ADK: variants seen among roughly 807,000 people sequenced by gnomAD.
ADK encodes adenosine kinase, also known as N6,N6-dimethyladenosine kinase.
Under a neutral mutation model 44.7 loss-of-function variants are expected in ADK, and 24 were observed. The ratio of observed to expected loss-of-function variants is 0.54; its 90% CI spans 0.39 to 0.76. ADK has a LOEUF of 0.76. Ranked by LOEUF, ADK falls within the 30% of genes least tolerant of loss-of-function variation. The pLI, the probability that ADK is intolerant of heterozygous loss-of-function variation, is 0.00. For synonymous variants in ADK, 128 were observed against 142.6 expected, an observed-to-expected ratio of 0.90 and a Z score of 0.73; for missense variants, 321 against 425.1, an observed-to-expected ratio of 0.76 and a Z score of 2.15.
intron 7 of ADK, chr10:74,551,365 A>T (rs1321020765): frequency 6.6e-6 from 1 of 152,406 alleles, no homozygotes; most frequent in African/African-American, 2.4e-5. Flanking sequence ...CAAAGAATTT[A>T]AAAATGTTAA....
Position 74,259,655 on chromosome 10 carries a change from C to G in ADK, c.194+35064C>G, listed in dbSNP as rs1845968498. On this transcript the variant is annotated intron_variant, in intron 3 of 10. Transcript: ENST00000539909. ...TGTATTTTTAGTAGAGACGGGGTTT[C>G]ACCATGTTAGCCAGGATGGTCTCGA... 3.3e-5 allele frequency among the ~76,000 whole-genome samples: 5 copies of G among 151,966 alleles called. No homozygotes were observed. In the South Asian group the frequency reaches 1.0e-3, roughly 32 times the overall value.
chr10:74,601,319 G>A (rs997130974), intron 9 of ADK, among the ~76,000 whole-genome samples: 1 of 152,056 alleles, frequency 6.6e-6, no homozygotes, highest in Non-Finnish European at 1.5e-5. Flanking sequence ...GTACATTTGT[G>A]TTGAATTAAA....
intron 9 of ADK, among the ~76,000 whole-genome samples, chr10:74,630,498 A>G (rs1003028788): frequency 2.6e-5 from 4 of 151,954 alleles, no homozygotes; most frequent in Non-Finnish European, 4.4e-5. Context: ...ATGTCTCTCA[A>G]TTTTTGTTTG....
At position 74,508,111 on chromosome 10, in the gene ADK, C is replaced by T. The variant is rs181167573; in HGVS notation, c.556-17145C>T. On this transcript the variant is annotated intron_variant, in intron 6 of 10. Transcript: ENST00000539909. ...GGTTTACTATAAGTTGGAGTACTAT[C>T]GTGGAGCACTTTGAATGCTGGGGTG... Among the ~76,000 whole-genome samples, 35 of 152,190 alleles carry T rather than the reference C, an allele frequency of 2.3e-4. No homozygotes were observed. In the South Asian group the frequency reaches 3.7e-3, roughly 16 times the overall value.
At chr10:74,647,781 C>A (rs1854106888) in intron 9 of ADK, among the ~76,000 whole-genome samples, 2 of 152,132 alleles carry the variant, frequency 1.3e-5, no homozygotes, top group African/African-American at 2.4e-5. Flanking sequence ...TTCCATAATT[C>A]ACATTATAAT....
At chr10:74,700,958 G>A (rs1856398942) in intron 10 of ADK, among the ~76,000 whole-genome samples, 1 of 152,106 alleles carries the variant, frequency 6.6e-6, no homozygotes, top group Non-Finnish European at 1.5e-5. Flanking sequence ...TCCCCAAAGG[G>A]GGTAAAAAAG....
intron 9 of ADK, chr10:74,656,019 G>T (rs937941447): frequency 1.6e-6 from 1 of 611,916 alleles, no homozygotes. Flanking sequence ...GCAGGAGCTG[G>T]TGTCTGTGGG....
chr10:74,371,808 G>A (rs1306903300), intron 4 of ADK: 1 of 1,262,354 alleles, frequency 7.9e-7, no homozygotes, highest in African/African-American at 1.5e-5. Context: ...GAAGTTTGCT[G>A]CTGCCACTGG....
intron 4 of ADK, among the ~76,000 whole-genome samples, chr10:74,393,138 A>G (rs988871505): frequency 6.6e-6 from 1 of 151,934 alleles, no homozygotes; most frequent in African/African-American, 2.4e-5. Context: ...TCCTCTCCTC[A>G]TCCTTTTACC....
intron 9 of ADK, among the ~76,000 whole-genome samples, chr10:74,628,172 A>G (rs1853284067): frequency 6.6e-6 from 1 of 152,198 alleles, no homozygotes; most frequent in African/African-American, 2.4e-5. Context: ...CTTCCTATGT[A>G]TTACTATGTA....
intron 10 of ADK, among the ~76,000 whole-genome samples, chr10:74,673,278 A>G (rs1855250048): frequency 6.6e-6 from 1 of 152,264 alleles, no homozygotes; most frequent in Non-Finnish European, 1.5e-5. Flanking sequence ...AGAAAGCCAG[A>G]TGATAAACTT....
chr10:74,357,037 T>C (rs1368367011), intron 4 of ADK, among the ~76,000 whole-genome samples: 1 of 152,156 alleles, frequency 6.6e-6, no homozygotes. Flanking sequence ...AGTTCCTTCA[T>C]TTGGGGGTTA....
At chr10:74,279,172 G>A (rs1360872790) in intron 3 of ADK, among the ~76,000 whole-genome samples, 1 of 152,068 alleles carries the variant, frequency 6.6e-6, no homozygotes, top group Non-Finnish European at 1.5e-5. Flanking sequence ...CCAGCTACTC[G>A]GGAGGCTGAG....
chr10:74,496,950 A>G (rs1847711484), intron 6 of ADK, among the ~76,000 whole-genome samples: 3 of 151,924 alleles, frequency 2.0e-5, no homozygotes, highest in Non-Finnish European at 4.4e-5. Context: ...AACAGAACCT[A>G]TTCTGTTTTC....
intron 2 of ADK, among the ~76,000 whole-genome samples, chr10:74,205,836 G>A (rs1843577011): frequency 6.6e-6 from 1 of 151,910 alleles, no homozygotes; most frequent in Non-Finnish European, 1.5e-5. Flanking sequence ...ATAACTTAAA[G>A]CAACCTAGGT....
chr10:74,652,701 A>C (rs543376039), intron 9 of ADK, among the ~76,000 whole-genome samples: 76 of 151,924 alleles, frequency 5.0e-4, no homozygotes, highest in African/African-American at 1.8e-3. Flanking sequence ...CAGAGGTTGC[A>C]GTGAACTGAG....
chr10:74,207,428 C>T (rs1843645607), intron 2 of ADK, among the ~76,000 whole-genome samples: 1 of 152,126 alleles, frequency 6.6e-6, no homozygotes, highest in African/African-American at 2.4e-5. Flanking sequence ...TCTTCTTATC[C>T]TGCATCCATG....
intron 2 of ADK, among the ~76,000 whole-genome samples, chr10:74,201,644 A>ATATGTATGTATG (rs10630238): frequency 2.2e-4 from 20 of 89,694 alleles, no homozygotes; most frequent in Admixed American, 1.1e-3. Flanking sequence ...GTGTGTGTGT[A>ATATGTATGTATG]TATGTATGTA....
At chr10:74,331,659 TA>T (rs1302283514) in intron 4 of ADK, among the ~76,000 whole-genome samples, 3 of 152,300 alleles carry the variant, frequency 2.0e-5, no homozygotes, top group Non-Finnish European at 4.4e-5. Context: ...TAATTCTTTG[TA>T]TTTTTAATAG....
Sources: allele counts gnomAD v4.1 joint callset (sites outside exome capture counted in the v4.1 genomes callset), GRCh38; gene constraint gnomAD v4.1.1; transcripts MANE v1.5; gene names NCBI Gene and HGNC (gene_info 2026-07-23, HGNC 2026-07-21).